Variants in MEGF6 observed in about 807,000 individuals in gnomAD.
The protein encoded by MEGF6 is multiple epidermal growth factor-like domains protein 6.
In MEGF6, 184 loss-of-function variants were observed where a neutral mutation model predicts 207.1. The ratio of observed to expected loss-of-function variants is 0.89; its 90% CI spans 0.79 to 1.00. The LOEUF (loss-of-function observed/expected upper bound fraction) is 1.00, where lower values mean the gene tolerates loss of function less well. Ranked by LOEUF, MEGF6 falls within the 50% of genes least tolerant of loss-of-function variation. MEGF6 has a pLI of 0.00. For synonymous variants in MEGF6, 1,038 were observed against 910.0 expected, an observed-to-expected ratio of 1.14 and a Z score of -2.53; for missense variants, 2,282 against 2,202.9, an observed-to-expected ratio of 1.04 and a Z score of -0.72.
chr1:3,589,616 C>G (rs1570210483), intron 3 of MEGF6, among the ~76,000 whole-genome samples: 2 of 152,314 alleles, frequency 1.3e-5, no homozygotes, highest in East Asian at 3.9e-4. Context: ...CGGCTTCATC[C>G]TTTCCTGAGT....
Position 3,505,407 on chromosome 1 carries a change from CA to C in MEGF6, c.2053+14del. On this transcript the variant is annotated intron_variant, in intron 16 of 36. Transcript: ENST00000356575. The stretch of plus-strand genomic sequence containing the variant: ...CCTGGCGCCCCCCGCCCCCAGACCC[CA>C]TGCCTGGACTCACCTGCCTGACAGC... The C allele has an allele frequency of 6.2e-7, 1 of 1,600,696 alleles. No individual in the cohort carries two copies. The highest frequency in any genetic ancestry group is 8.5e-7 in the Non-Finnish European group (1 of 1,173,402).
chr1:3,498,339 T>C, intron 26 of MEGF6, 32 bp downstream of exon 26: 1 of 1,582,858 alleles, frequency 6.3e-7, no homozygotes, highest in East Asian at 2.3e-5. Context: ...CAGCAGGGCC[T>C]GCAGACCCCC....
intron 2 of MEGF6, among the ~76,000 whole-genome samples, chr1:3,599,092 C>CG (rs1644119500): frequency 6.6e-6 from 1 of 152,226 alleles, no homozygotes; most frequent in Non-Finnish European, 1.5e-5. Flanking sequence ...AGAAGCCAGA[C>CG]GAGGGGCTGA....
At chr1:3,606,292 G>T (rs1557431323) in intron 1 of MEGF6, among the ~76,000 whole-genome samples, 1 of 152,328 alleles carries the variant, frequency 6.6e-6, no homozygotes, top group Non-Finnish European at 1.5e-5. Flanking sequence ...GACTCTGGGG[G>T]TGGGGCCCAG....
chr1:3,524,144 G>A lies in MEGF6; in HGVS notation c.584C>T (p.Thr195Ile). ...CTCACCCAGGCAGGTCCTGCTGTCA[G>A]TGTGGAGCCGGAAGCCGGGCTTGCA... ...CECKPGFRLH[T>I]DSRTCLAINS... The change falls in exon 5 of 37, where the codon ACT (threonine) becomes ATT (isoleucine). Residue 195 changes from threonine (T) to isoleucine (I), a missense_variant. Transcript: ENST00000356575. 1.9e-6 allele frequency: 3 copies of A among 1,612,638 alleles called. No individual in the cohort carries two copies. The highest frequency in any genetic ancestry group is 2.5e-6 in the Non-Finnish European group (3 of 1,179,794).
Position 3,490,852 on chromosome 1 carries a change from G to A in MEGF6, c.4564+60C>T, listed in dbSNP as rs1569911115. 4.5e-6 allele frequency: 7 copies of A among 1,540,370 alleles called. No individual in the cohort carries two copies. The Admixed American group carries it at 5.8e-5, about 13-fold the overall frequency. On this transcript the variant is annotated intron_variant, in intron 36 of 36. Transcript: ENST00000356575. ...CCCAGATTATACTTAAGCACTCTTC[G>A]TTGACTTTGCCATAACCCACCCTCC...
At position 3,494,728 on chromosome 1, in the gene MEGF6, G is replaced by A; in HGVS notation, c.3885C>T (p.Asn1295=). ...GVRCERGCPQ[N]RFGVGCEHTC... ...TGTGCTCGCAGCCCACGCCAAACCG[G>A]TTCTGGGGGCAGCCTGGAGACAGAA... is the stretch of plus-strand genomic sequence containing the variant. Residue 1295 remains asparagine, a synonymous_variant, in exon 31 of 37, where the codon AAC becomes AAT. Transcript: ENST00000356575. 6.3e-7 allele frequency: 1 copy of A among 1,584,732 alleles called. No homozygotes were observed. Among genetic ancestry groups the A allele is most frequent in the Non-Finnish European group, 8.6e-7 (1 of 1,165,628 alleles).
rs530825929 is a variant in MEGF6 at position 3,597,661 on chromosome 1, G to C, written c.267-2214C>G. On this transcript the variant is annotated intron_variant, in intron 2 of 36. Transcript: ENST00000356575. The stretch of plus-strand genomic sequence containing the variant: ...ATGGCTGTGTGAACAGGAAGGCAGA[G>C]ACGGAAGTGGCGGCCACAAGCCAAG... Among the ~76,000 whole-genome samples, 6 of 152,332 alleles carry C rather than the reference G, an allele frequency of 3.9e-5. No homozygotes were observed. The East Asian group carries it at 1.2e-3, about 29-fold the overall frequency.
chr1:3,598,292 A>C (rs1244104728), intron 2 of MEGF6, among the ~76,000 whole-genome samples: 1 of 152,184 alleles, frequency 6.6e-6, no homozygotes, highest in Non-Finnish European at 1.5e-5. Context: ...CTGATCCAAC[A>C]AACAAGCGGG....
At position 3,560,131 on chromosome 1, in the gene MEGF6, G is replaced by T. The variant is rs931764538; in HGVS notation, c.481+19694C>A. Among the ~76,000 whole-genome samples the T allele has an allele frequency of 6.6e-6, 1 of 151,646 alleles. No individual in the cohort carries two copies. Among genetic ancestry groups the T allele is most frequent in the Non-Finnish European group, 1.5e-5 (1 of 67,926 alleles). ...TAGTCCCAGAGGGCAAAGAAGGCTG[G>T]GCTTTTTTTTTTTCTTTTAACTAAT... On this transcript the variant is annotated intron_variant, in intron 4 of 36. Coordinates refer to ENST00000356575, the MANE Select transcript of MEGF6 (RefSeq NM_001409.4). The surrounding 1 kb of genome is among the most constrained non-coding windows in gnomAD (Gnocchi z 4.0).
At chr1:3,575,714 T>G (rs1480885723) in intron 4 of MEGF6, among the ~76,000 whole-genome samples, 1 of 152,142 alleles carries the variant, frequency 6.6e-6, no homozygotes, top group East Asian at 1.9e-4. Flanking sequence ...CTCATGAGAC[T>G]TATTCACTAT....
At chr1:3,616,899 C>A in the MEGF6 span, among the ~76,000 whole-genome samples, 2 of 152,220 alleles carry the variant, frequency 1.3e-5, no homozygotes, top group Admixed American at 1.3e-4. Context: ...CCTGTGTCCT[C>A]CTGAATGACA....
At position 3,509,126 on chromosome 1, in the gene MEGF6, C is replaced by A. The variant is rs755873456; in HGVS notation, c.1477G>T (p.Asp493Tyr). Residue 493 changes from aspartate to tyrosine, a missense_variant, in exon 12 of 37, where the codon GAT (aspartate) becomes TAT (tyrosine). Asp to Tyr is a radical substitution (Grantham distance 160). Transcript: ENST00000356575. ...QLFQDDDVGA[D>Y]EEEAELRGEH... Reference sequence around the variant, plus strand: ...CCCCGCAACTCTGCCTCTTCCTCATCGGCCCCGACGTCGTCATCCTGGAAG... The same window carrying A: ...CCCCGCAACTCTGCCTCTTCCTCATAGGCCCCGACGTCGTCATCCTGGAAG... 1.2e-6 allele frequency: 2 copies of A among 1,601,258 alleles called. No individual in the cohort carries two copies. Among genetic ancestry groups the A allele is most frequent in the Non-Finnish European group, 1.7e-6 (2 of 1,174,718 alleles).
chr1:3,490,547 C>T lies in MEGF6; in HGVS notation c.4607G>A (p.Gly1536Asp), dbSNP rs866069045. The change falls in exon 37 of 37, where the codon GGT becomes GAT. Residue 1536 changes from glycine (G) to aspartate (D), a missense_variant. Physicochemically the swap from Gly to Asp is moderately conservative, Grantham distance 94 (BLOSUM62 -1). Coordinates refer to ENST00000356575, the MANE Select transcript of MEGF6 (RefSeq NM_001409.4). ...CCTCTACTAGTGCCTCGCTGGTCCA[C>T]CGCTCCGGGATGTGGGTCTGCTGGA... Reference protein sequence around the residue: ...PASSRPTSRSGGPARH With the variant: ...PASSRPTSRSDGPARH The T allele has an allele frequency of 1.2e-5, 19 of 1,613,208 alleles. No individual in the cohort carries two copies. The Middle Eastern group carries it at 1.3e-3, about 112-fold the overall frequency.
chr1:3,575,691 T>TA lies in MEGF6; in HGVS notation c.481+4133dup, dbSNP rs532666912. On this transcript the variant is annotated intron_variant, in intron 4 of 36. Transcript: ENST00000356575. ...GCTTGTGCGGGGAAACTCCCCCTTA[T>TA]AAACCATCAGATCTCATGAGACTTA... 7.8e-3 allele frequency among the ~76,000 whole-genome samples: 1,188 copies of TA among 152,226 alleles called. 9 individuals are homozygous for TA. Among genetic ancestry groups the TA allele is most frequent in the Middle Eastern group, 0.02 (6 of 294 alleles).
intron 10 of MEGF6, among the ~76,000 whole-genome samples, chr1:3,510,207 TA>T (rs533360896): frequency 4.9e-4 from 75 of 151,946 alleles, no homozygotes; most frequent in Admixed American, 1.7e-3. Context: ...AGACACGTGC[TA>T]GGGGGGGCCA....
chr1:3,558,075 T>C (rs1011348550), intron 4 of MEGF6, among the ~76,000 whole-genome samples: 2 of 152,194 alleles, frequency 1.3e-5, no homozygotes, highest in Non-Finnish European at 2.9e-5. Context: ...GGTCACGATC[T>C]GGATGTGCTA....
chr1:3,489,167 TC>T lies in MEGF6; in HGVS notation c.*1360del, dbSNP rs1640252644. Among the ~76,000 whole-genome samples the T allele has an allele frequency of 6.6e-6, 1 of 152,156 alleles. No homozygotes were observed. The highest frequency in any genetic ancestry group is 2.4e-5 in the African/African-American group (1 of 41,434). The stretch of plus-strand genomic sequence containing the variant: ...CCATCCTGCCCTCCCTTATCACTGT[TC>T]TACTTTAAAGTCTCCCCACAGCGGT... On this transcript the variant is annotated 3_prime_UTR_variant, in exon 37 of 37. Transcript: ENST00000356575.
At chr1:3,584,206 A>C (rs574217264) in intron 3 of MEGF6, among the ~76,000 whole-genome samples, 1 of 152,142 alleles carries the variant, frequency 6.6e-6, no homozygotes, top group Non-Finnish European at 1.5e-5. Flanking sequence ...AATGCCCCCC[A>C]CTTTCTCACA....
Sources: allele counts gnomAD v4.1 joint callset (sites outside exome capture counted in the v4.1 genomes callset), GRCh38; gene constraint gnomAD v4.1.1; non-coding constraint Gnocchi (gnomAD v3.1); transcripts MANE v1.5; gene names NCBI Gene and HGNC (gene_info 2026-07-23, HGNC 2026-07-21).